The following SLC9A5 variants were observed in gnomAD, a reference collection of about 807,000 sequenced individuals.
SLC9A5 encodes the protein sodium/hydrogen exchanger 5.
SLC9A5 carries 52 observed loss-of-function variants against 91.7 expected under a neutral mutation model. The observed-to-expected ratio is 0.57, with a 90% CI of 0.45 to 0.71. SLC9A5 has a LOEUF of 0.71. Among genes scored for constraint, SLC9A5 ranks in the 30% least tolerant of loss-of-function variants. SLC9A5 has a pLI of 0.00. For synonymous variants in SLC9A5, 419 were observed against 474.5 expected (o/e 0.88, Z 1.52); for missense variants, 871 against 1,158.9 (o/e 0.75, Z 3.61).
At chr16:67,266,593 T>G (rs1422709620) in intron 15 of SLC9A5, among the ~76,000 whole-genome samples, 2 of 152,124 alleles carry the variant, frequency 1.3e-5, no homozygotes, top group East Asian at 1.9e-4. Context: ...CAGGCTGGAG[T>G]GCAGTGGTGC....
Position 67,255,539 on chromosome 16 carries a change from C to G in SLC9A5, c.733+68C>G, listed in dbSNP as rs773031732. 5.5e-5 allele frequency: 82 copies of G among 1,489,510 alleles called. No individual in the cohort carries two copies. Among genetic ancestry groups the G allele is most frequent in the Non-Finnish European group, 7.1e-5 (76 of 1,067,490 alleles). 92.3% of individuals were successfully genotyped at this position (1,489,510 alleles called of 1,614,324 possible). A position where few individuals can be genotyped will look rare whatever the true frequency, so the allele number is the denominator to read the frequency against. ...CCCCTGGGTTGCTGAGGCCCTCCCACCCCGCATCAGGACAGAAGAGGCTAT... is the reference window on the plus strand; with the variant it reads ...CCCCTGGGTTGCTGAGGCCCTCCCAGCCCGCATCAGGACAGAAGAGGCTAT... On this transcript the variant is annotated intron_variant, in intron 4 of 15. Transcript: ENST00000299798. This position sits in a 1 kb window ranked among gnomAD's most constrained non-coding sequence, Gnocchi z 4.9.
chr16:67,250,433 G>A (rs1254995459), intron 1 of SLC9A5, among the ~76,000 whole-genome samples: 1 of 152,198 alleles, frequency 6.6e-6, no homozygotes, highest in Non-Finnish European at 1.5e-5. Context: ...GCAGCAATGA[G>A]AGTAAGAGTA....
intron 14 of SLC9A5, among the ~76,000 whole-genome samples, chr16:67,265,861 C>T (rs779388310): frequency 4.6e-5 from 7 of 152,282 alleles, no homozygotes; most frequent in East Asian, 1.9e-4. Context: ...TGACTTCCTC[C>T]GGGGACTTAG....
rs529387943 is a variant in SLC9A5 at position 67,271,927 on chromosome 16, G to C, written c.*717G>C. 1 of 152,312 alleles carries C rather than the reference G, an allele frequency of 6.6e-6. No homozygotes were observed. The highest frequency in any genetic ancestry group is 2.1e-4 in the South Asian group (1 of 4,826). The allele number at this position is 152,312 out of a possible 1,614,324, so 9.4% of individuals were successfully genotyped here. ...GGTCACCCTGGGATCTGCTGCTCTG[G>C]GTCTAAGTCTAGACCTTTCTGATCC... On this transcript the variant is annotated 3_prime_UTR_variant, in exon 16 of 16. Transcript: ENST00000299798.
In SLC9A5 at chr16:67,252,838, C is replaced by G. The variant is rs2035180375; in HGVS notation, c.484C>G (p.Leu162Val). Residue 162 changes from leucine (L) to valine (V), a missense_variant, in exon 2 of 16, where the codon CTT (leucine) becomes GTT (valine). By Grantham distance (32) the Leu-to-Val change is conservative. Around this residue, in one of 3 missense-constraint regions of SLC9A5, gnomAD observed 454 missense variants for 718.3 expected, o/e 0.63. Transcript: ENST00000299798. This position sits in a 1 kb window ranked among gnomAD's most constrained non-coding sequence, Gnocchi z 4.0. ...AALWGLQQAG[L>V]VAPRVQAGLL... Reference sequence around the variant, plus strand: ...CCTCTGGGGCTTGCAGCAGGCTGGACTTGTAGGTGAGTGACCCTAAGACCT... The same window carrying G: ...CCTCTGGGGCTTGCAGCAGGCTGGAGTTGTAGGTGAGTGACCCTAAGACCT... 1 of 1,611,336 alleles carries G rather than the reference C, an allele frequency of 6.2e-7. No homozygotes were observed. The highest frequency in any genetic ancestry group is 8.5e-7 in the Non-Finnish European group (1 of 1,179,600).
At chr16:67,263,293 C>G (rs902164940) in intron 12 of SLC9A5, 1 of 152,078 alleles carries the variant, frequency 6.6e-6, no homozygotes, top group South Asian at 2.1e-4. Context: ...GAAGGGGGCT[C>G]TTAGAACTGG....
intron 14 of SLC9A5, among the ~76,000 whole-genome samples, chr16:67,265,561 T>G (rs973778301): frequency 6.6e-6 from 1 of 152,108 alleles, no homozygotes; most frequent in African/African-American, 2.4e-5. Flanking sequence ...TGGGATTACA[T>G]GTGCACGCCA....
chr16:67,269,842 C>T (rs868709066), intron 15 of SLC9A5, among the ~76,000 whole-genome samples: 2 of 152,278 alleles, frequency 1.3e-5, no homozygotes, highest in East Asian at 1.9e-4. Context: ...AATTCAGCCC[C>T]GCCCCTGCAG....
rs1255673945 is a variant in SLC9A5, at chr16:67,256,474, C to T, written c.917C>T (p.Thr306Ile). Residue 306 changes from threonine (T) to isoleucine (I), a missense_variant, in exon 6 of 16, where the codon ACC (threonine) becomes ATC (isoleucine). Physicochemically the swap from Thr to Ile is moderately conservative, Grantham distance 89. Transcript: ENST00000299798. This position sits in a 1 kb window ranked among gnomAD's most constrained non-coding sequence, Gnocchi z 4.1. ...MASLSAILAV[T>I]MCGLGCKKYV... Reference sequence around the variant, plus strand: ...GTCTCTCCATCCTCTCCCAGGGTGACCATGTGTGGCCTGGGCTGTAAGAAG... The same window carrying T: ...GTCTCTCCATCCTCTCCCAGGGTGATCATGTGTGGCCTGGGCTGTAAGAAG... 2 of 1,607,666 alleles carry T rather than the reference C, an allele frequency of 1.2e-6. No homozygotes were observed. The highest frequency in any genetic ancestry group is 1.7e-6 in the Non-Finnish European group (2 of 1,178,422).
Position 67,259,361 on chromosome 16 carries a change from C to CAA in SLC9A5, c.1627-189_1627-188dup, listed in dbSNP as rs764650700. 5.4e-3 allele frequency among the ~76,000 whole-genome samples: 234 copies of CAA among 43,320 alleles called. 15 individuals are homozygous for CAA. Among genetic ancestry groups the CAA allele is most frequent in the African/African-American group, 0.015 (215 of 14,756 alleles). 28.4% of individuals were successfully genotyped at this position (43,320 alleles called of 152,430 possible). On this transcript the variant is annotated intron_variant, in intron 10 of 15. Transcript: ENST00000299798. ...CTTGGGTGATAGAGTGACTCTGTCT[C>CAA]AAAAAAAAAAAAAAAAAAAAAAAAT...
intron 12 of SLC9A5, chr16:67,263,796 A>C (rs991522121): frequency 6.5e-6 from 1 of 154,316 alleles, no homozygotes; most frequent in African/African-American, 2.4e-5. Flanking sequence ...AAAAAAAGAA[A>C]AAAAAAAGCA....
In SLC9A5 at chr16:67,271,171, C is replaced by G; in HGVS notation, c.2652C>G (p.Ser884=). The change falls in exon 16 of 16, where the codon TCC becomes TCG. Residue 884 remains serine, a synonymous_variant. Transcript: ENST00000299798. ...HTHLSPGTAT[S]HWCIQFNRGS... Reference sequence around the variant, plus strand: ...ATCTCAGCCCAGGCACCGCTACCTCCCACTGGTGCATCCAGTTCAACAGAG... The same window carrying G: ...ATCTCAGCCCAGGCACCGCTACCTCGCACTGGTGCATCCAGTTCAACAGAG... The G allele has an allele frequency of 6.2e-7, 1 of 1,613,002 alleles. No individual in the cohort carries two copies. Among genetic ancestry groups the G allele is most frequent in the Non-Finnish European group, 8.5e-7 (1 of 1,180,024 alleles).
intron 1 of SLC9A5, among the ~76,000 whole-genome samples, chr16:67,250,767 G>T (rs1433826474): frequency 6.6e-6 from 1 of 152,154 alleles, no homozygotes; most frequent in Non-Finnish European, 1.5e-5. Flanking sequence ...GGCCCTTTGG[G>T]TACAGCTTCC....
At chr16:67,250,395 C>G (rs2035070141) in intron 1 of SLC9A5, among the ~76,000 whole-genome samples, 1 of 152,118 alleles carries the variant, frequency 6.6e-6, no homozygotes, top group Non-Finnish European at 1.5e-5. Flanking sequence ...ATGGAGAGAT[C>G]TATGACCATG....
Position 67,260,090 on chromosome 16 carries a change from T to G in SLC9A5, c.1842+144T>G. On this transcript the variant is annotated intron_variant, in intron 12 of 15. Transcript: ENST00000299798. ...TCAGCCGGGTGCGATGGCTCATGCC[T>G]GTAATCTCAGCACTTTGGGAGGCCA... 2.5e-6 allele frequency: 3 copies of G among 1,183,614 alleles called. No homozygotes were observed. The highest frequency in any genetic ancestry group is 3.4e-6 in the Non-Finnish European group (3 of 872,524). 73.3% of individuals were successfully genotyped at this position (1,183,614 alleles called of 1,614,324 possible).
intron 10 of SLC9A5, among the ~76,000 whole-genome samples, chr16:67,259,115 C>T (rs1417623894): frequency 2.0e-5 from 3 of 151,906 alleles, no homozygotes; most frequent in Non-Finnish European, 4.4e-5. Context: ...AAAAACTAGC[C>T]AGGCGTGGTG....
chr16:67,259,694 C>T lies in SLC9A5; in HGVS notation c.1715+33C>T, dbSNP rs371583657. On this transcript the variant is annotated intron_variant, in intron 11 of 15. Transcript: ENST00000299798. The stretch of plus-strand genomic sequence containing the variant: ...CTTGAGCCCCTTCCCCTTCCTCATA[C>T]TCCTCTCCATTGTGCCCTCTCTCTG... 1.5e-5 allele frequency: 24 copies of T among 1,602,358 alleles called. No homozygotes were observed. In the African/African-American group the frequency reaches 2.4e-4, roughly 16 times the overall value.
At chr16:67,250,373 G>C (rs914229676) in intron 1 of SLC9A5, among the ~76,000 whole-genome samples, 1 of 152,228 alleles carries the variant, frequency 6.6e-6, no homozygotes, top group Admixed American at 6.5e-5. Context: ...GGAGACCAAA[G>C]TAGGGACAAG....
At chr16:67,259,799 T>C in intron 11 of SLC9A5, 21 bp from the exon 12 acceptor site, 1 of 1,612,910 alleles carries the variant, frequency 6.2e-7, no homozygotes, top group East Asian at 2.2e-5. Flanking sequence ...CTCCAGCACA[T>C]GTGTCCCCTG....
Sources: allele counts gnomAD v4.1 joint callset (sites outside exome capture counted in the v4.1 genomes callset), GRCh38; gene constraint gnomAD v4.1.1; regional missense constraint gnomAD v4.1.1; non-coding constraint Gnocchi (gnomAD v3.1); transcripts MANE v1.5; gene names NCBI Gene and HGNC (gene_info 2026-07-23, HGNC 2026-07-21).